The following STXBP3 variants were observed in gnomAD, a reference collection of about 807,000 sequenced individuals.
STXBP3 encodes the protein syntaxin binding protein 3.
Under a neutral mutation model 85.7 loss-of-function variants are expected in STXBP3, and 41 were observed. The ratio of observed to expected loss-of-function variants is 0.48; its 90% confidence interval spans 0.37 to 0.62. STXBP3 has a LOEUF of 0.62. Among genes scored for constraint, STXBP3 ranks in the 20% least tolerant of loss-of-function variants. The pLI is 0.00. For synonymous variants in STXBP3, 229 were observed against 231.7 expected, an observed-to-expected ratio of 0.99 and a Z score of 0.10; for missense variants, 563 against 703.1, an observed-to-expected ratio of 0.80 and a Z score of 2.25.
At chr1:108,789,384 GTTC>G (rs898654219) in intron 11 of STXBP3, among the ~76,000 whole-genome samples, 2 of 152,068 alleles carry the variant, frequency 1.3e-5, no homozygotes, top group Non-Finnish European at 2.9e-5. Flanking sequence ...GCCCAAGACA[GTTC>G]TTCTTCCAGT....
intron 11 of STXBP3, among the ~76,000 whole-genome samples, chr1:108,785,195 C>T (rs569405973): frequency 6.6e-6 from 1 of 152,362 alleles, no homozygotes; most frequent in Non-Finnish European, 1.5e-5. Flanking sequence ...TTCCCTTCTG[C>T]ACTACCCTAG....
intron 17 of STXBP3, among the ~76,000 whole-genome samples, chr1:108,803,003 A>G (rs1297723713): frequency 2.6e-5 from 4 of 152,226 alleles, no homozygotes; most frequent in African/African-American, 4.8e-5. Context: ...AATTTAGGCT[A>G]TCTCAAAACT....
intron 17 of STXBP3, among the ~76,000 whole-genome samples, chr1:108,803,773 A>G (rs1663276725): frequency 6.6e-6 from 1 of 152,320 alleles, no homozygotes; most frequent in East Asian, 1.9e-4. Flanking sequence ...GGTGTGCGCC[A>G]CTACGCCTGG....
At chr1:108,749,768 T>C (rs1661863790) in intron 1 of STXBP3, among the ~76,000 whole-genome samples, 1 of 152,158 alleles carries the variant, frequency 6.6e-6, no homozygotes, top group Non-Finnish European at 1.5e-5. Flanking sequence ...TTTTATTTTT[T>C]CGTCTGGCAG....
rs1557805762 is a variant in STXBP3, at chr1:108,771,628, CATATATAAATATATATGATATATATCTA to C, written c.439-1036_439-1009del. ...ATATATATGATATATATCTATATAT[CATATATAAATATATATGATATATATCTA>C]TATATATCATATATAAATATATATG... is the stretch of plus-strand genomic sequence containing the variant. On this transcript the variant is annotated intron_variant, in intron 6 of 18. Transcript: ENST00000370008. Among the ~76,000 whole-genome samples the C allele has an allele frequency of 7.1e-4, 10 of 14,046 alleles. 2 individuals carry two copies. Among genetic ancestry groups the C allele is most frequent in the African/African-American group, 1.4e-3 (5 of 3,684 alleles). 9.2% of individuals were successfully genotyped at this position (14,046 alleles called of 152,430 possible).
intron 17 of STXBP3, among the ~76,000 whole-genome samples, 170 bp downstream of exon 17, chr1:108,800,475 C>G (rs1457643978): frequency 6.6e-6 from 1 of 152,112 alleles, no homozygotes; most frequent in Non-Finnish European, 1.5e-5. Context: ...TGAAAATGTA[C>G]TTTATTATAA....
intron 7 of STXBP3, among the ~76,000 whole-genome samples, chr1:108,774,573 G>T (rs1374895154): frequency 1.3e-5 from 2 of 151,060 alleles, no homozygotes; most frequent in Non-Finnish European, 2.9e-5. Context: ...CTTAATTCAG[G>T]TATTACCAGA....
chr1:108,793,533 G>T (rs1181366568), intron 11 of STXBP3, 49 bp from the exon 12 acceptor site: 1 of 1,449,030 alleles, frequency 6.9e-7, no homozygotes, highest in South Asian at 1.2e-5. Context: ...TTGTAATATG[G>T]AATAACTGAA....
At chr1:108,763,303 T>C (rs1662183269) in intron 6 of STXBP3, among the ~76,000 whole-genome samples, 1 of 152,222 alleles carries the variant, frequency 6.6e-6, no homozygotes, top group Non-Finnish European at 1.5e-5. Flanking sequence ...AACCATTGGA[T>C]AACCCCTTTT....
intron 3 of STXBP3, among the ~76,000 whole-genome samples, chr1:108,753,554 G>A (rs756869906): frequency 9.1e-4 from 139 of 151,918 alleles, no homozygotes; most frequent in Non-Finnish European, 1.1e-3. Context: ...AATGCATAAT[G>A]CTGACTTCGT....
At chr1:108,797,095 G>A (rs991076926) in intron 15 of STXBP3, among the ~76,000 whole-genome samples, 1 of 151,956 alleles carries the variant, frequency 6.6e-6, no homozygotes, top group African/African-American at 2.4e-5. Flanking sequence ...GCTCACACCT[G>A]TAATCCCAAC....
At chr1:108,747,122 A>ACTCCTCCGCTCCCGTCCGCGCTCCCCT (rs1557797291) in intron 1 of STXBP3, among the ~76,000 whole-genome samples, 1 of 150,954 alleles carries the variant, frequency 6.6e-6, no homozygotes, top group Non-Finnish European at 1.5e-5. Flanking sequence ...CGCGCTCCCC[A>ACTCCTCCGCTCCCGTCCGCGCTCCCCT]CTCTTCTCCG....
rs185447809 is a variant in STXBP3 at position 108,804,166 on chromosome 1, C to G, written c.1536-3235C>G. Among the ~76,000 whole-genome samples, 8 of 136,474 alleles carry G rather than the reference C, an allele frequency of 5.9e-5. No individual in the cohort carries two copies. In the East Asian group the frequency reaches 3.8e-3, roughly 65 times the overall value. 89.5% of individuals were successfully genotyped at this position (136,474 alleles called of 152,430 possible). ...TGTAGTCTTGGTTTTGTTAGAACAT[C>G]TTATTCTGTCATAATGTCTCTTAAT... On this transcript the variant is annotated intron_variant, in intron 17 of 18. Coordinates refer to ENST00000370008, the MANE Select transcript of STXBP3 (RefSeq NM_007269.4).
intron 6 of STXBP3, among the ~76,000 whole-genome samples, chr1:108,764,503 C>T (rs1662215786): frequency 6.6e-6 from 1 of 152,210 alleles, no homozygotes; most frequent in Admixed American, 6.5e-5. Flanking sequence ...AACTAATATA[C>T]ATTCCCACCA....
intron 6 of STXBP3, among the ~76,000 whole-genome samples, chr1:108,764,198 C>T (rs930801943): frequency 3.2e-4 from 49 of 152,136 alleles, no homozygotes; most frequent in African/African-American, 1.0e-3. Flanking sequence ...ATCCATGTTC[C>T]TGCTAAAGAC....
chr1:108,771,603 ATATATATGATATATATC>A (rs1662423882), intron 6 of STXBP3, among the ~76,000 whole-genome samples: 1 of 74,036 alleles, frequency 1.4e-5, no homozygotes, highest in Non-Finnish European at 2.3e-5. Context: ...TCATATATAA[ATATATATGATATATATC>A]TATATATCAT....
chr1:108,793,737 C>T (rs1229667549), intron 12 of STXBP3, 90 bp downstream of exon 12: 20 of 1,077,444 alleles, frequency 1.9e-5, no homozygotes, highest in East Asian at 5.3e-5. Flanking sequence ...CAGTGGGTTT[C>T]GTGGAATACT....
chr1:108,791,460 T>C (rs1323187450), intron 11 of STXBP3, among the ~76,000 whole-genome samples: 8 of 152,060 alleles, frequency 5.3e-5, no homozygotes, highest in Non-Finnish European at 1.0e-4. Context: ...CTCTCTTCTC[T>C]CTTTCTGGGA....
At chr1:108,808,088 A>G (rs2101142127) in intron 18 of STXBP3, among the ~76,000 whole-genome samples, 1 of 152,346 alleles carries the variant, frequency 6.6e-6, no homozygotes, top group Admixed American at 6.5e-5. Flanking sequence ...CTCCTTTAAA[A>G]TAGTATGTTC....
Sources: gnomAD v4.1 joint callset for allele counts (sites outside exome capture counted in the v4.1 genomes callset) on GRCh38, gnomAD v4.1.1 for gene constraint, MANE v1.5 for transcripts, NCBI Gene and HGNC (gene_info 2026-07-23, HGNC 2026-07-21) for gene names.